CHSY1: variants seen among roughly 807,000 people sequenced by gnomAD.
CHSY1 encodes the protein chondroitin sulfate synthase 1, also known as N-acetylgalactosaminyl-proteoglycan 3-beta-glucuronosyltransferase 1.
In CHSY1, 13 loss-of-function variants were observed where a neutral mutation model predicts 59.8. That is an observed-to-expected ratio of 0.22 (90% CI 0.14 to 0.35). CHSY1 has a LOEUF of 0.35. Ranked by LOEUF, CHSY1 falls within the 10% of genes least tolerant of loss-of-function variation. CHSY1 has a pLI of 1.00. For missense variants in CHSY1, 947 were observed against 1,030.6 expected, an observed-to-expected ratio of 0.92 and a Z score of 1.11; for synonymous variants, 459 against 401.2, an observed-to-expected ratio of 1.14 and a Z score of -1.72.
intron 1 of CHSY1, among the ~76,000 whole-genome samples, chr15:101,245,035 G>C (rs1043045483): frequency 1.3e-5 from 2 of 152,184 alleles, no homozygotes; most frequent in Non-Finnish European, 2.9e-5. Flanking sequence ...GTCCTGTCCA[G>C]CTCTAGCTAG....
chr15:101,223,150 C>T (rs547816925), intron 2 of CHSY1, among the ~76,000 whole-genome samples: 113 of 152,264 alleles, frequency 7.4e-4, no homozygotes, highest in Middle Eastern at 6.8e-3. Context: ...CCCACCACCA[C>T]GCCCGGCTAA....
intron 2 of CHSY1, among the ~76,000 whole-genome samples, chr15:101,231,056 G>A (rs1342117692): frequency 6.6e-6 from 1 of 152,154 alleles, no homozygotes; most frequent in East Asian, 1.9e-4. Flanking sequence ...AATCCTTCCA[G>A]GCCTAGAGTG....
rs117645267 is a variant in CHSY1, at chr15:101,243,633, T to C, written c.320+7504A>G. Among the ~76,000 whole-genome samples, 996 of 152,192 alleles carry C rather than the reference T, an allele frequency of 6.5e-3. 18 individuals carry two copies. The East Asian group carries it at 0.068, about 10-fold the overall frequency. Reference sequence around the variant, plus strand: ...GACACTGCTAAGGCTGAACAAACAGTCATCGTGGATAAGGAGACCAGCCTT... The same window carrying C: ...GACACTGCTAAGGCTGAACAAACAGCCATCGTGGATAAGGAGACCAGCCTT... On this transcript the variant is annotated intron_variant, in intron 1 of 2. Coordinates refer to ENST00000254190, the MANE Select transcript of CHSY1 (RefSeq NM_014918.5).
rs753461001 is a variant in CHSY1 at position 101,178,640 on chromosome 15, G to A, written c.1157C>T (p.Ser386Leu). The A allele has an allele frequency of 1.1e-5, 17 of 1,614,178 alleles. No homozygotes were observed. The highest frequency in any genetic ancestry group is 6.7e-5 in the East Asian group (3 of 44,886). ...WEFLTGKYLY[S>L]AVDGQPPRRG... ...TCGAGGGGGCTGGCCGTCAACTGCC[G>A]AATACAAGTATTTTCCAGTCAGAAA... The change falls in exon 3 of 3, where the codon TCG becomes TTG. Residue 386 changes from serine (S) to leucine (L), a missense_variant. Physicochemically the swap from Ser to Leu is moderately radical, Grantham distance 145 (BLOSUM62 -2). Coordinates refer to ENST00000254190, the MANE Select transcript of CHSY1 (RefSeq NM_014918.5).
intron 2 of CHSY1, among the ~76,000 whole-genome samples, chr15:101,234,351 T>C (rs1001545575): frequency 6.6e-6 from 1 of 152,228 alleles, no homozygotes; most frequent in Non-Finnish European, 1.5e-5. Context: ...ACACGTTAAG[T>C]TTCTAATCTG....
At chr15:101,186,165 A>AG (rs968908843) in intron 2 of CHSY1, among the ~76,000 whole-genome samples, 4 of 149,956 alleles carry the variant, frequency 2.7e-5, no homozygotes, top group African/African-American at 9.9e-5. Flanking sequence ...AAAAAAAAAA[A>AG]AAAAAATAGC....
chr15:101,233,155 G>T (rs983039662), intron 2 of CHSY1, among the ~76,000 whole-genome samples: 11 of 152,122 alleles, frequency 7.2e-5, no homozygotes, highest in Non-Finnish European at 1.6e-4. Flanking sequence ...GAAACCTTTT[G>T]TGATTACCTC....
chr15:101,190,426 C>G (rs1247358284), intron 2 of CHSY1, among the ~76,000 whole-genome samples: 1 of 152,152 alleles, frequency 6.6e-6, no homozygotes, highest in Non-Finnish European at 1.5e-5. Context: ...AACTGGACAT[C>G]CAAATGCAGG....
chr15:101,235,509 G>C lies in CHSY1; in HGVS notation c.389C>G (p.Pro130Arg). The part of the protein sequence containing the change: ...FSSEGSDTSV[P>R]IPVVPLRGVD... ...ACCCCGTAGTGGCACTACTGGAATTGGTACAGATGTGTCAGAACCCTCACT... is the reference window on the plus strand; with the variant it reads ...ACCCCGTAGTGGCACTACTGGAATTCGTACAGATGTGTCAGAACCCTCACT... The change falls in exon 2 of 3, where the codon CCA (proline) becomes CGA (arginine). Residue 130 changes from proline to arginine, a missense_variant. Physicochemically the swap from Pro to Arg is moderately radical, Grantham distance 103 (BLOSUM62 -2). Coordinates refer to ENST00000254190, the MANE Select transcript of CHSY1 (RefSeq NM_014918.5). The C allele has an allele frequency of 6.2e-7, 1 of 1,613,922 alleles. No individual in the cohort carries two copies. Among genetic ancestry groups the C allele is most frequent in the South Asian group, 1.1e-5 (1 of 91,080 alleles).
chr15:101,189,505 G>A, intron 2 of CHSY1: 1 of 984,492 alleles, frequency 1.0e-6, no homozygotes, highest in Non-Finnish European at 1.2e-6. Flanking sequence ...AGTGCAGCCG[G>A]GTTTAAAGGG....
At chr15:101,192,010 G>A (rs1251703903) in intron 2 of CHSY1, among the ~76,000 whole-genome samples, 2 of 152,192 alleles carry the variant, frequency 1.3e-5, no homozygotes, top group East Asian at 1.9e-4. Context: ...AATTAACAAT[G>A]AGTAGGATTG....
Position 101,176,061 on chromosome 15 carries a change from A to G in CHSY1, c.*1327T>C. 2.6e-6 allele frequency: 1 copy of G among 390,254 alleles called. No homozygotes were observed. The highest frequency in any genetic ancestry group is 4.5e-6 in the Non-Finnish European group (1 of 221,292). The allele number at this position is 390,254 out of a possible 1,614,324, so 24.2% of individuals were successfully genotyped here. A position where few individuals can be genotyped will look rare whatever the true frequency, so the allele number is the denominator to read the frequency against. On this transcript the variant is annotated 3_prime_UTR_variant, in exon 3 of 3. Transcript: ENST00000254190. ...TCAAAGAACACTTAATATTTAGTAA[A>G]ACAGTAAGGAATATAAAAATTAAGG... is the stretch of plus-strand genomic sequence containing the variant.
chr15:101,238,796 T>C (rs765179961), intron 1 of CHSY1, among the ~76,000 whole-genome samples: 1 of 152,226 alleles, frequency 6.6e-6, no homozygotes, highest in Non-Finnish European at 1.5e-5. Flanking sequence ...TATTAACAGA[T>C]ACTGTTCTAG....
At chr15:101,205,889 T>C (rs989936924) in intron 2 of CHSY1, among the ~76,000 whole-genome samples, 43 of 152,110 alleles carry the variant, frequency 2.8e-4, no homozygotes, top group African/African-American at 8.7e-4. Context: ...GAGGCGGAGC[T>C]TGCAGTGAGC....
chr15:101,205,434 A>G (rs1567095332), intron 2 of CHSY1, among the ~76,000 whole-genome samples: 1 of 152,228 alleles, frequency 6.6e-6, no homozygotes, highest in Non-Finnish European at 1.5e-5. Context: ...GCTAGTAATC[A>G]ATTGACATAG....
At chr15:101,233,094 G>A (rs895538154) in intron 2 of CHSY1, among the ~76,000 whole-genome samples, 3 of 152,206 alleles carry the variant, frequency 2.0e-5, no homozygotes, top group African/African-American at 4.8e-5. Context: ...CTCAGAGGGG[G>A]CTCCAAGTGT....
At chr15:101,195,818 G>A (rs1233142991) in intron 2 of CHSY1, among the ~76,000 whole-genome samples, 4 of 123,842 alleles carry the variant, frequency 3.2e-5, no homozygotes, top group Admixed American at 2.7e-4. Context: ...GCAAGACTCC[G>A]TCTCAAAAAA....
At position 101,235,596 on chromosome 15, in the gene CHSY1, T is replaced by C. The variant is rs200405592; in HGVS notation, c.321-19A>G. On this transcript the variant is annotated intron_variant, in intron 1 of 2. Coordinates refer to ENST00000254190, the MANE Select transcript of CHSY1 (RefSeq NM_014918.5). The stretch of plus-strand genomic sequence containing the variant: ...CCATGTTCTGGAATTAAAATAAATA[T>C]CAGTTAGAGAACAGTTTATTCCAAG... 18 of 1,601,964 alleles carry C rather than the reference T, an allele frequency of 1.1e-5. No individual in the cohort carries two copies. Among genetic ancestry groups the C allele is most frequent in the Non-Finnish European group, 1.5e-5 (18 of 1,179,242 alleles).
At chr15:101,231,995 T>A (rs1054445614) in intron 2 of CHSY1, among the ~76,000 whole-genome samples, 5 of 152,228 alleles carry the variant, frequency 3.3e-5, no homozygotes, top group Non-Finnish European at 2.9e-5. Context: ...TCTGTGAGTT[T>A]AACATTATTT....
Sources: allele counts gnomAD v4.1 joint callset (sites outside exome capture counted in the v4.1 genomes callset), GRCh38; gene constraint gnomAD v4.1.1; transcripts MANE v1.5; gene names NCBI Gene and HGNC (gene_info 2026-07-23, HGNC 2026-07-21).